Variants in IL1RAPL1 observed in about 807,000 individuals in gnomAD.
IL1RAPL1 encodes interleukin 1 receptor accessory protein like 1.
Under a neutral mutation model 48.4 loss-of-function variants are expected in IL1RAPL1, and 3 were observed. The observed-to-expected ratio is 0.06, with a 90% CI of 0.03 to 0.16. IL1RAPL1 has a LOEUF of 0.16. Ranked by LOEUF, IL1RAPL1 falls within the 10% of genes least tolerant of loss-of-function variation. The pLI, the probability that IL1RAPL1 is intolerant of heterozygous loss-of-function variation, is 1.00. For synonymous variants in IL1RAPL1, 185 were observed against 187.7 expected (o/e 0.99, Z 0.12); for missense variants, 349 against 530.6 (o/e 0.66, Z 3.36).
chrX:29,430,591 ATATG>A (rs201458392), intron 5 of IL1RAPL1, among the ~76,000 whole-genome samples: 1,494 of 106,561 alleles, frequency 0.014, 38 homozygotes, highest in African/African-American at 0.047. Context: ...GTATATATAT[ATATG>A]TGTGTGTGTG....
At chrX:29,214,458 T>A (rs906943059) in intron 2 of IL1RAPL1, among the ~76,000 whole-genome samples, 1 of 111,581 alleles carries the variant, frequency 9.0e-6, no homozygotes, top group Non-Finnish European at 1.9e-5. Flanking sequence ...CTGCTAATTG[T>A]TGATGAGGGG....
At chrX:28,846,066 T>G (rs749533590) in intron 2 of IL1RAPL1, among the ~76,000 whole-genome samples, 1 of 112,347 alleles carries the variant, frequency 8.9e-6, no homozygotes, top group Admixed American at 9.5e-5. Context: ...AAATCCTCTT[T>G]AGTTCTCCTA....
chrX:28,997,949 G>A (rs996000209), intron 2 of IL1RAPL1, among the ~76,000 whole-genome samples: 5 of 111,922 alleles, frequency 4.5e-5, no homozygotes, highest in Non-Finnish European at 9.4e-5. Context: ...TGATTAGTTT[G>A]GCTAAAGCAG....
chrX:29,462,006 A>T (rs934820267), intron 5 of IL1RAPL1, among the ~76,000 whole-genome samples: 2 of 112,214 alleles, frequency 1.8e-5, no homozygotes, highest in Non-Finnish European at 3.8e-5. Flanking sequence ...GAATTTTATT[A>T]TTATATGTAA....
intron 5 of IL1RAPL1, among the ~76,000 whole-genome samples, chrX:29,440,073 A>C (rs1210022806): frequency 9.2e-6 from 1 of 108,702 alleles, no homozygotes; most frequent in African/African-American, 3.3e-5. Flanking sequence ...GAAATATTCG[A>C]AAGACTTTTG....
At position 28,794,641 on chromosome X, in the gene IL1RAPL1, G is replaced by A. The variant is rs779091192; in HGVS notation, c.82+5216G>A. Among the ~76,000 whole-genome samples the A allele has an allele frequency of 8.1e-5, 9 of 111,431 alleles. No homozygotes were observed. The South Asian group carries it at 3.4e-3, about 42-fold the overall frequency. On this transcript the variant is annotated intron_variant, in intron 2 of 10. Transcript: ENST00000378993. Reference sequence around the variant, plus strand: ...TCTCTTCATTCTAGAACCTGACAGGGGACACCTGTTTGTGTAAATGATTTA... The same window carrying A: ...TCTCTTCATTCTAGAACCTGACAGGAGACACCTGTTTGTGTAAATGATTTA...
At chrX:28,846,049 G>A (rs1921501135) in intron 2 of IL1RAPL1, among the ~76,000 whole-genome samples, 1 of 111,845 alleles carries the variant, frequency 8.9e-6, no homozygotes, top group Non-Finnish European at 1.9e-5. Context: ...TATTTTCCCT[G>A]ACCTAAAAAT....
intron 2 of IL1RAPL1, among the ~76,000 whole-genome samples, chrX:28,837,137 G>A: frequency 9.0e-6 from 1 of 111,180 alleles, no homozygotes; most frequent in East Asian, 2.8e-4. Context: ...TTGTGGAATG[G>A]TTAAATCACA....
intron 2 of IL1RAPL1, among the ~76,000 whole-genome samples, chrX:28,901,537 G>A (rs755764860): frequency 3.6e-5 from 4 of 111,031 alleles, no homozygotes; most frequent in Admixed American, 9.6e-5. Flanking sequence ...AATCCTTCCT[G>A]CATATTGCCA....
intron 1 of IL1RAPL1, among the ~76,000 whole-genome samples, chrX:28,773,354 A>G (rs1284390975): frequency 9.0e-6 from 1 of 111,639 alleles, no homozygotes; most frequent in Non-Finnish European, 1.9e-5. Context: ...TTGGATTACA[A>G]GAGTCAGCCA....
intron 6 of IL1RAPL1, among the ~76,000 whole-genome samples, chrX:29,824,563 A>G (rs1930691627): frequency 8.9e-6 from 1 of 112,431 alleles, no homozygotes; most frequent in Non-Finnish European, 1.9e-5. Flanking sequence ...AGCCATGTCT[A>G]CAAAGGCTGG....
intron 3 of IL1RAPL1, among the ~76,000 whole-genome samples, chrX:29,299,070 A>C (rs1453278377): frequency 1.8e-5 from 2 of 109,136 alleles, no homozygotes; most frequent in Non-Finnish European, 3.8e-5. Context: ...AAAAAAAAAA[A>C]CACGTGAAAG....
chrX:29,200,110 G>T (rs938883786), intron 2 of IL1RAPL1, among the ~76,000 whole-genome samples: 1 of 106,756 alleles, frequency 9.4e-6, no homozygotes, highest in Non-Finnish European at 1.9e-5. Context: ...TTTAAGTTGT[G>T]TATTTAGAAC....
intron 8 of IL1RAPL1, among the ~76,000 whole-genome samples, chrX:29,920,816 AAAG>A (rs1932841006): frequency 2.0e-5 from 2 of 100,088 alleles, no homozygotes; most frequent in African/African-American, 3.7e-5. Context: ...AAAAAAAAAA[AAAG>A]AAAAGAAAAG....
At chrX:29,592,165 A>G (rs186912589) in intron 5 of IL1RAPL1, among the ~76,000 whole-genome samples, 1 of 112,237 alleles carries the variant, frequency 8.9e-6, no homozygotes, top group East Asian at 2.8e-4. Context: ...CACGTGGGAC[A>G]GAATTTACAT....
At chrX:28,602,249 T>A (rs1194868179) in intron 1 of IL1RAPL1, among the ~76,000 whole-genome samples, 3 of 112,136 alleles carry the variant, frequency 2.7e-5, no homozygotes, top group Non-Finnish European at 5.6e-5. Context: ...TTGTGAAGCT[T>A]ATTAAGGAGA....
intron 8 of IL1RAPL1, among the ~76,000 whole-genome samples, chrX:29,924,796 C>T (rs1932872770): frequency 8.9e-6 from 1 of 111,876 alleles, no homozygotes; most frequent in Admixed American, 9.5e-5. Flanking sequence ...TTCTTTATTT[C>T]CCATCTAACC....
intron 2 of IL1RAPL1, among the ~76,000 whole-genome samples, chrX:29,073,921 A>G (rs1354359160): frequency 8.9e-6 from 1 of 111,787 alleles, no homozygotes; most frequent in African/African-American, 3.2e-5. Context: ...TGGAGCTGTG[A>G]TTCAGATCCA....
chrX:29,283,574 A>G (rs1207109178), intron 3 of IL1RAPL1, among the ~76,000 whole-genome samples: 1 of 112,450 alleles, frequency 8.9e-6, no homozygotes, highest in Non-Finnish European at 1.9e-5. Flanking sequence ...ACATTTTGCT[A>G]TTGCCCTTCG....
Sources: gnomAD v4.1 joint callset for allele counts (sites outside exome capture counted in the v4.1 genomes callset) on GRCh38, gnomAD v4.1.1 for gene constraint, MANE v1.5 for transcripts, NCBI Gene and HGNC (gene_info 2026-07-23, HGNC 2026-07-21) for gene names.